Variants in RALYL observed in about 807,000 individuals in gnomAD.
The protein encoded by RALYL is RALY RNA binding protein like.
RALYL carries 29 observed loss-of-function variants against 35.1 expected under a neutral mutation model. That is an observed-to-expected ratio of 0.83 (90% confidence interval 0.61 to 1.13). The LOEUF (loss-of-function observed/expected upper bound fraction) is 1.13, where lower values mean the gene tolerates loss of function less well. Among genes scored for constraint, RALYL ranks in the 50% most tolerant of loss-of-function variants. The probability of loss-of-function intolerance (pLI) is 0.00; values close to 1 mark genes in which losing one functional copy is unlikely to be tolerated. For synonymous variants in RALYL, 120 were observed against 127.6 expected (o/e 0.94, Z 0.40); for missense variants, 359 against 360.4 (o/e 1.00, Z 0.03).
intron 2 of RALYL, among the ~76,000 whole-genome samples, chr8:84,732,683 T>TATATATATATATATATACACACACAC: frequency 0.041 from 5,454 of 132,132 alleles, 156 homozygotes; most frequent in South Asian, 0.068. Flanking sequence ...TATATATATA[T>TATATATATATATATATACACACACAC]ACACACACAC....
At chr8:84,197,585 C>T (rs1815643101) in intron 1 of RALYL, among the ~76,000 whole-genome samples, 1 of 151,736 alleles carries the variant, frequency 6.6e-6, no homozygotes, top group Non-Finnish European at 1.5e-5. Context: ...TTCTACTTCC[C>T]CTTGATCTCC....
chr8:84,319,705 TA>T (rs1165183625), intron 1 of RALYL, among the ~76,000 whole-genome samples: 1 of 152,094 alleles, frequency 6.6e-6, no homozygotes, highest in Non-Finnish European at 1.5e-5. Flanking sequence ...ATTCTTGAGT[TA>T]TTGGTGCACA....
chr8:84,862,031 G>C (rs1838198339), intron 5 of RALYL, among the ~76,000 whole-genome samples: 1 of 152,314 alleles, frequency 6.6e-6, no homozygotes, highest in Non-Finnish European at 1.5e-5. Flanking sequence ...TTGGAGCAAA[G>C]CTCCTTGTCC....
At chr8:84,340,276 C>T (rs535902792) in intron 1 of RALYL, among the ~76,000 whole-genome samples, 82 of 152,072 alleles carry the variant, frequency 5.4e-4, no homozygotes, top group Middle Eastern at 3.4e-3. Context: ...CTAAACTAAA[C>T]TTAAAAAAAG....
At chr8:84,336,769 C>A (rs957511161) in intron 1 of RALYL, among the ~76,000 whole-genome samples, 6 of 151,982 alleles carry the variant, frequency 3.9e-5, no homozygotes, top group African/African-American at 7.2e-5. Context: ...ACCATCACTG[C>A]AGCTGACCCT....
chr8:84,844,100 A>C (rs1346031326), intron 4 of RALYL, among the ~76,000 whole-genome samples: 1 of 152,218 alleles, frequency 6.6e-6, no homozygotes, highest in East Asian at 1.9e-4. Flanking sequence ...ATGGCAACAG[A>C]AGCCAAAATT....
intron 1 of RALYL, among the ~76,000 whole-genome samples, chr8:84,359,370 G>A (rs868677594): frequency 6.6e-6 from 1 of 151,572 alleles, no homozygotes; most frequent in Non-Finnish European, 1.5e-5. Flanking sequence ...TAGAATGAAG[G>A]GTTAATGATA....
intron 8 of RALYL, among the ~76,000 whole-genome samples, chr8:84,907,427 T>C (rs1846722366): frequency 6.6e-6 from 1 of 152,098 alleles, no homozygotes; most frequent in Non-Finnish European, 1.5e-5. Flanking sequence ...GTTTCCATTT[T>C]CACTACCTTC....
intron 2 of RALYL, among the ~76,000 whole-genome samples, chr8:84,656,822 G>C (rs1194320442): frequency 1.3e-5 from 2 of 151,964 alleles, no homozygotes; most frequent in Non-Finnish European, 2.9e-5. Context: ...AGCCATATGA[G>C]ATAAAACAAT....
At chr8:84,446,887 A>C (rs1165988242) in intron 1 of RALYL, among the ~76,000 whole-genome samples, 1 of 152,148 alleles carries the variant, frequency 6.6e-6, no homozygotes, top group Non-Finnish European at 1.5e-5. Flanking sequence ...TGGCAATGCC[A>C]TACTGATAGG....
chr8:84,192,568 C>CT (rs1477947725), intron 1 of RALYL, among the ~76,000 whole-genome samples: 1 of 145,682 alleles, frequency 6.9e-6, no homozygotes, highest in Non-Finnish European at 1.5e-5. Context: ...TTTTTTCTTT[C>CT]TTTTTTTGAG....
intron 2 of RALYL, among the ~76,000 whole-genome samples, chr8:84,698,922 C>T (rs568586784): frequency 7.2e-5 from 11 of 152,134 alleles, no homozygotes; most frequent in Middle Eastern, 3.4e-3. Context: ...TGAGGAAGGA[C>T]GCATCCTGCA....
chr8:84,401,903 A>T (rs2042959298), intron 1 of RALYL, among the ~76,000 whole-genome samples: 1 of 91,290 alleles, frequency 1.1e-5, no homozygotes, highest in African/African-American at 5.4e-5. Context: ...CTTTCTAGTT[A>T]CCCTGTCAAA....
chr8:84,701,326 TGTCTG>T (rs1840152992), intron 2 of RALYL, among the ~76,000 whole-genome samples: 1 of 152,184 alleles, frequency 6.6e-6, no homozygotes, highest in African/African-American at 2.4e-5. Context: ...TTGTAGGAGC[TGTCTG>T]GTCTCTATCG....
intron 4 of RALYL, among the ~76,000 whole-genome samples, chr8:84,840,247 G>C (rs928765870): frequency 2.6e-5 from 4 of 151,906 alleles, no homozygotes; most frequent in Non-Finnish European, 2.9e-5. Flanking sequence ...TGGCTAACTA[G>C]AATAACCAAT....
chr8:84,870,577 GTA>G (rs36230993), intron 6 of RALYL, among the ~76,000 whole-genome samples: 58,796 of 148,168 alleles, frequency 0.4, 12,893 homozygotes, highest in Non-Finnish European at 0.5. Context: ...TATCTGTAAT[GTA>G]TATATATATA....
chr8:84,305,278 C>T (rs1439080110), intron 1 of RALYL, among the ~76,000 whole-genome samples: 1 of 152,122 alleles, frequency 6.6e-6, no homozygotes, highest in African/African-American at 2.4e-5. Flanking sequence ...TAAAGTAATA[C>T]AAGACTCATC....
At chr8:84,632,124 T>A (rs1353257189) in intron 2 of RALYL, among the ~76,000 whole-genome samples, 1 of 151,748 alleles carries the variant, frequency 6.6e-6, no homozygotes, top group African/African-American at 2.4e-5. Context: ...CATTATCCCC[T>A]CCCACCATGC....
At chr8:84,358,903 T>A (rs1852386085) in intron 1 of RALYL, among the ~76,000 whole-genome samples, 1 of 152,112 alleles carries the variant, frequency 6.6e-6, no homozygotes, top group South Asian at 2.1e-4. Flanking sequence ...AAGTGCAGAG[T>A]TGGAAGGATC....
Sources: gnomAD v4.1 joint callset for allele counts (sites outside exome capture counted in the v4.1 genomes callset) on GRCh38, gnomAD v4.1.1 for gene constraint, MANE v1.5 for transcripts, NCBI Gene and HGNC (gene_info 2026-07-23, HGNC 2026-07-21) for gene names.